CDKN3: variants seen among roughly 807,000 people sequenced by gnomAD.
CDKN3 encodes cyclin dependent kinase inhibitor 3.
A neutral mutation model predicts 36.1 loss-of-function variants in CDKN3; 19 were observed. That is an observed-to-expected ratio of 0.53 (90% CI 0.37 to 0.77). CDKN3 has a LOEUF of 0.77. Ranked by LOEUF, CDKN3 falls within the 30% of genes least tolerant of loss-of-function variation. The pLI is 0.00. For synonymous variants in CDKN3, 71 were observed against 85.3 expected, an observed-to-expected ratio of 0.83 and a Z score of 0.92; for missense variants, 188 against 248.6, an observed-to-expected ratio of 0.76 and a Z score of 1.64.
intron 5 of CDKN3, 128 bp downstream of exon 5, chr14:54,411,834 C>T: frequency 1.4e-6 from 1 of 722,674 alleles, no homozygotes; most frequent in Non-Finnish European, 2.5e-6. Context: ...TAATAATGCA[C>T]TAGGAAAGCA....
chr14:54,410,319 A>T (rs943420710), intron 4 of CDKN3, among the ~76,000 whole-genome samples: 1 of 152,192 alleles, frequency 6.6e-6, no homozygotes, highest in African/African-American at 2.4e-5. Context: ...AATGTGTACA[A>T]AAGGCAAATA....
rs754471177 is a variant in CDKN3, at chr14:54,399,846, C to T, written c.10-48C>T. The T allele has an allele frequency of 1.6e-5, 15 of 967,372 alleles. No individual in the cohort carries two copies. In the East Asian group the frequency reaches 2.6e-4, roughly 17 times the overall value. 59.9% of individuals were successfully genotyped at this position (967,372 alleles called of 1,614,324 possible). On this transcript the variant is annotated intron_variant, in intron 1 of 7. Transcript: ENST00000335183. Reference sequence around the variant, plus strand: ...TAGACAAGGATTAGCTATCCTAAAACTACAAAAAAATTCTTTACAGTTATT... The same window carrying T: ...TAGACAAGGATTAGCTATCCTAAAATTACAAAAAAATTCTTTACAGTTATT...
At chr14:54,413,657 A>G in intron 5 of CDKN3, 1 of 1,535,424 alleles carries the variant, frequency 6.5e-7, no homozygotes, top group Non-Finnish European at 8.7e-7. Flanking sequence ...CCATTCTGCC[A>G]TCTTTGAGGA....
intron 5 of CDKN3, among the ~76,000 whole-genome samples, chr14:54,412,295 G>A (rs180906726): frequency 6.6e-6 from 1 of 152,050 alleles, no homozygotes; most frequent in Non-Finnish European, 1.5e-5. Context: ...TGAGGTGGGG[G>A]AACTGCTTGA....
intron 5 of CDKN3, chr14:54,413,711 G>C: frequency 6.5e-7 from 1 of 1,533,408 alleles, no homozygotes; most frequent in Non-Finnish European, 8.7e-7. Flanking sequence ...TCAGCAACAG[G>C]ATCTGGTAAA....
At chr14:54,412,704 T>G in intron 5 of CDKN3, 1 of 335,004 alleles carries the variant, frequency 3.0e-6, no homozygotes, top group South Asian at 2.3e-5. Context: ...GCGATGTGGA[T>G]AAAAAACAAG....
intron 6 of CDKN3, 143 bp downstream of exon 6, chr14:54,416,073 A>G: frequency 3.0e-6 from 2 of 660,890 alleles, no homozygotes; most frequent in East Asian, 5.5e-5. Context: ...GGCCCTAAAC[A>G]TGGTGTTCCC....
intron 7 of CDKN3, among the ~76,000 whole-genome samples, chr14:54,419,182 G>T (rs1338638351): frequency 6.6e-6 from 1 of 151,818 alleles, no homozygotes; most frequent in East Asian, 1.9e-4. Flanking sequence ...ATCAAATGAT[G>T]CTTCAAATCC....
intron 4 of CDKN3, 29 bp downstream of exon 4, chr14:54,408,818 A>C (rs760592330): frequency 6.5e-7 from 1 of 1,527,642 alleles, no homozygotes. Context: ...AACCACACTC[A>C]TGGGTTTTTT....
intron 3 of CDKN3, among the ~76,000 whole-genome samples, chr14:54,406,135 T>A (rs1433964227): frequency 6.6e-6 from 1 of 152,208 alleles, no homozygotes; most frequent in African/African-American, 2.4e-5. Context: ...GGGTTGAAAA[T>A]TATTTTCTTT....
intron 6 of CDKN3, among the ~76,000 whole-genome samples, chr14:54,416,572 T>TGG: frequency 6.6e-6 from 1 of 152,292 alleles, no homozygotes; most frequent in South Asian, 2.1e-4. Flanking sequence ...CTCAGCACTT[T>TGG]GGGAGGCCAA....
intron 1 of CDKN3, 82 bp from the exon 2 acceptor site, chr14:54,399,812 G>C (rs1462054183): frequency 6.6e-6 from 5 of 752,554 alleles, no homozygotes; most frequent in African/African-American, 1.8e-5. Context: ...TATGAATTCA[G>C]TGTGTGTTTA....
chr14:54,409,890 CAA>C (rs550669317), intron 4 of CDKN3, among the ~76,000 whole-genome samples: 18 of 117,532 alleles, frequency 1.5e-4, no homozygotes, highest in Non-Finnish European at 1.5e-4. Context: ...GACCCTGCCT[CAA>C]AAAAAAAAAA....
chr14:54,406,849 T>A (rs1454855340), intron 3 of CDKN3, among the ~76,000 whole-genome samples: 1 of 152,162 alleles, frequency 6.6e-6, no homozygotes, highest in Non-Finnish European at 1.5e-5. Flanking sequence ...TGTCAGTTCA[T>A]CAAACTCATT....
intron 4 of CDKN3, 122 bp downstream of exon 4, chr14:54,408,911 T>G (rs1170109233): frequency 7.6e-7 from 1 of 1,308,138 alleles, no homozygotes; most frequent in African/African-American, 1.5e-5. Flanking sequence ...CAATATTGTG[T>G]GAAGTTCCAA....
chr14:54,418,095 T>A (rs1213029519), intron 7 of CDKN3, 144 bp downstream of exon 7: 1 of 686,716 alleles, frequency 1.5e-6, no homozygotes, highest in Non-Finnish European at 2.7e-6. Flanking sequence ...CAAATACCAC[T>A]TGCTTATGCT....
At position 54,411,944 on chromosome 14, in the gene CDKN3, C is replaced by A. The variant is rs1052053637; in HGVS notation, c.416+238C>A. On this transcript the variant is annotated intron_variant, in intron 5 of 7. Coordinates refer to ENST00000335183, the MANE Select transcript of CDKN3 (RefSeq NM_005192.4). Reference sequence around the variant, plus strand: ...TGAGTAGATTTGGAAATTGTTAGAACAAGGTTACAAGCTTTTCTTTTTTAT... The same window carrying A: ...TGAGTAGATTTGGAAATTGTTAGAAAAAGGTTACAAGCTTTTCTTTTTTAT... 8.8e-6 allele frequency: 5 copies of A among 570,468 alleles called. No individual in the cohort carries two copies. In the African/African-American group the frequency reaches 9.4e-5, roughly 11 times the overall value. 35.3% of individuals were successfully genotyped at this position (570,468 alleles called of 1,614,324 possible).
At chr14:54,409,489 A>G (rs1189310001) in intron 4 of CDKN3, among the ~76,000 whole-genome samples, 1 of 152,138 alleles carries the variant, frequency 6.6e-6, no homozygotes, top group Non-Finnish European at 1.5e-5. Context: ...CTGAATCTTA[A>G]AAACTTTTCG....
chr14:54,409,572 C>T (rs1178225998), intron 4 of CDKN3, among the ~76,000 whole-genome samples: 51 of 152,166 alleles, frequency 3.4e-4, no homozygotes, highest in Non-Finnish European at 1.5e-5. Context: ...GTGGTTCACA[C>T]CTGTAATCCC....
Sources: allele counts gnomAD v4.1 joint callset (sites outside exome capture counted in the v4.1 genomes callset), GRCh38; gene constraint gnomAD v4.1.1; transcripts MANE v1.5; gene names NCBI Gene and HGNC (gene_info 2026-07-23, HGNC 2026-07-21).